CD96: variants seen among roughly 807,000 people sequenced by gnomAD.
The protein encoded by CD96 is CD96 molecule.
In CD96, 70 loss-of-function variants were observed where a neutral mutation model predicts 71.3. The observed-to-expected ratio is 0.98, with a 90% CI of 0.81 to 1.20. The LOEUF (loss-of-function observed/expected upper bound fraction) is 1.20, where lower values mean the gene tolerates loss of function less well. Ranked by LOEUF, CD96 falls within the 50% of genes most tolerant of loss-of-function variation. CD96 has a pLI of 0.00. For synonymous variants in CD96, 248 were observed against 233.0 expected (o/e 1.06, Z -0.59); for missense variants, 742 against 677.5 (o/e 1.10, Z -1.06).
Position 111,579,253 on chromosome 3 carries a change from C to T in CD96, c.751+19C>T, listed in dbSNP as rs778351503. ...GTTTTTGGTAAGGGCTTTTGTTCTA[C>T]AGACTCACTGGCATCCTCCTGTCTC... On this transcript the variant is annotated intron_variant, in intron 4 of 13. Transcript: ENST00000352690. 2 of 1,344,732 alleles carry T rather than the reference C, an allele frequency of 1.5e-6. No homozygotes were observed. Among genetic ancestry groups the T allele is most frequent in the Non-Finnish European group, 2.1e-6 (2 of 933,714 alleles). The allele number at this position is 1,344,732 out of a possible 1,614,324, so 83.3% of individuals were successfully genotyped here. A position where few individuals can be genotyped will look rare whatever the true frequency, so the allele number is the denominator to read the frequency against.
At chr3:111,642,703 AG>A (rs1333388127) in intron 12 of CD96, among the ~76,000 whole-genome samples, 1 of 152,080 alleles carries the variant, frequency 6.6e-6, no homozygotes, top group Non-Finnish European at 1.5e-5. Flanking sequence ...GCTACTTGGG[AG>A]GCTGAGGTGG....
At chr3:111,584,730 A>C (rs564498362) in intron 4 of CD96, among the ~76,000 whole-genome samples, 1 of 152,328 alleles carries the variant, frequency 6.6e-6, no homozygotes, top group East Asian at 1.9e-4. Context: ...CCCGTGATTC[A>C]ATTACCTCTC....
chr3:111,600,956 A>C (rs751598654), intron 7 of CD96, 42 bp downstream of exon 7: 3 of 1,248,184 alleles, frequency 2.4e-6, no homozygotes, highest in Non-Finnish European at 2.4e-6. Context: ...GTTTGCTAAG[A>C]CTGCCATAAA....
At chr3:111,542,506 C>T (rs1224617262) in intron 1 of CD96, among the ~76,000 whole-genome samples, 197 bp downstream of exon 1, 1 of 152,058 alleles carries the variant, frequency 6.6e-6, no homozygotes, top group Non-Finnish European at 1.5e-5. Flanking sequence ...CTAATGAACA[C>T]TAAAAATAAG....
At chr3:111,609,713 A>T (rs572974492) in intron 8 of CD96, among the ~76,000 whole-genome samples, 2 of 152,318 alleles carry the variant, frequency 1.3e-5, no homozygotes, top group South Asian at 2.1e-4. Flanking sequence ...CAGGGGGGAA[A>T]AATGCCACCT....
chr3:111,635,036 T>C lies in CD96; in HGVS notation c.1322-2160T>C, dbSNP rs1243033868. On this transcript the variant is annotated intron_variant, in intron 10 of 13. Transcript: ENST00000352690. ...TAGAGTGGATAAGCATTCAGGAAAG[T>C]ATTGTTTCATCAAAAGATGAATCAC... The C allele has an allele frequency of 6.5e-5, 10 of 153,334 alleles. No individual in the cohort carries two copies. In the Admixed American group the frequency reaches 6.5e-4, roughly 10 times the overall value. 9.5% of individuals were successfully genotyped at this position (153,334 alleles called of 1,614,324 possible). A position where few individuals can be genotyped will look rare whatever the true frequency, so the allele number is the denominator to read the frequency against.
intron 1 of CD96, among the ~76,000 whole-genome samples, chr3:111,543,534 C>G (rs890746075): frequency 6.6e-6 from 1 of 151,832 alleles, no homozygotes; most frequent in Non-Finnish European, 1.5e-5. Flanking sequence ...ATTTGGGAGA[C>G]AGTTTGGAAG....
intron 5 of CD96, among the ~76,000 whole-genome samples, chr3:111,587,910 T>A (rs1239330237): frequency 6.6e-6 from 1 of 152,188 alleles, no homozygotes; most frequent in Non-Finnish European, 1.5e-5. Flanking sequence ...CATGGAGACC[T>A]GGGGCATCAC....
chr3:111,660,869 C>A (rs1000787955), intron 14 of CD96, among the ~76,000 whole-genome samples: 1 of 152,134 alleles, frequency 6.6e-6, no homozygotes, highest in Admixed American at 6.6e-5. Context: ...AAAATTAACT[C>A]AAAATGGATC....
At chr3:111,604,168 A>G (rs185270124) in intron 7 of CD96, among the ~76,000 whole-genome samples, 1 of 152,204 alleles carries the variant, frequency 6.6e-6, no homozygotes. Flanking sequence ...CTCTGAGGAA[A>G]CCCCGGAATT....
intron 4 of CD96, 30 bp from the exon 5 acceptor site, chr3:111,585,293 G>T: frequency 6.7e-7 from 1 of 1,502,366 alleles, no homozygotes; most frequent in Non-Finnish European, 9.3e-7. Context: ...GACATTTGGT[G>T]CCACTAACTA....
chr3:111,560,128 A>G (rs976562916), intron 2 of CD96, among the ~76,000 whole-genome samples: 7 of 151,152 alleles, frequency 4.6e-5, no homozygotes, highest in Non-Finnish European at 8.9e-5. Flanking sequence ...GGTTTCCTGA[A>G]TACAACACAC....
At chr3:111,628,319 A>G (rs998966419) in intron 10 of CD96, among the ~76,000 whole-genome samples, 1 of 152,248 alleles carries the variant, frequency 6.6e-6, no homozygotes, top group African/African-American at 2.4e-5. Context: ...AATAGCCAGT[A>G]CAGAGAGGAA....
chr3:111,644,850 C>CA (rs966615913), intron 12 of CD96, among the ~76,000 whole-genome samples: 8 of 151,234 alleles, frequency 5.3e-5, no homozygotes, highest in East Asian at 1.9e-4. Flanking sequence ...TGGCCATAAT[C>CA]AAAAAAAATG....
chr3:111,599,732 A>G (rs961158201), intron 6 of CD96, among the ~76,000 whole-genome samples: 5 of 152,206 alleles, frequency 3.3e-5, no homozygotes, highest in Non-Finnish European at 2.9e-5. Flanking sequence ...AAAAAAAAAA[A>G]AAGTTATTAT....
At chr3:111,546,913 G>GACACACACAC (rs1491160910) in intron 2 of CD96, among the ~76,000 whole-genome samples, 1 of 51,894 alleles carries the variant, frequency 1.9e-5, no homozygotes, top group East Asian at 7.1e-4. Context: ...CACACACACA[G>GACACACACAC]ACACATACAC....
At chr3:111,648,035 A>G (rs1010055140) in intron 13 of CD96, among the ~76,000 whole-genome samples, 5 of 152,158 alleles carry the variant, frequency 3.3e-5, no homozygotes, top group African/African-American at 1.2e-4. Flanking sequence ...TCCACTGGTC[A>G]TAGATGCTCA....
At chr3:111,594,338 C>G (rs1937154405) in intron 5 of CD96, 1 of 1,096,050 alleles carries the variant, frequency 9.1e-7, no homozygotes, top group African/African-American at 1.6e-5. Flanking sequence ...AAAGTCTGGC[C>G]ACACCTGGGT....
intron 8 of CD96, among the ~76,000 whole-genome samples, chr3:111,612,350 A>T (rs1937991989): frequency 6.6e-6 from 1 of 152,232 alleles, no homozygotes; most frequent in African/African-American, 2.4e-5. Context: ...TACAGGGACT[A>T]AAAAGGTTTT....
Sources: allele counts gnomAD v4.1 joint callset (sites outside exome capture counted in the v4.1 genomes callset), GRCh38; gene constraint gnomAD v4.1.1; transcripts MANE v1.5; gene names NCBI Gene and HGNC (gene_info 2026-07-23, HGNC 2026-07-21).